The following LRP1B variants were observed in gnomAD, a reference collection of about 807,000 sequenced individuals.
LRP1B encodes the protein low-density lipoprotein receptor-related protein 1B.
In LRP1B, 217 loss-of-function variants were observed where a neutral mutation model predicts 556.6. The observed-to-expected ratio is 0.39, with a 90% CI of 0.35 to 0.44. LRP1B has a LOEUF of 0.44. Among genes scored for constraint, LRP1B ranks in the 20% least tolerant of loss-of-function variants. LRP1B has a pLI of 1.00. For synonymous variants in LRP1B, 2,047 were observed against 1,865.8 expected (o/e 1.10, Z -2.50); for missense variants, 5,053 against 5,620.8 (o/e 0.90, Z 3.23).
At chr2:140,387,765 CTCAG>C (rs904429165) in intron 66 of LRP1B, among the ~76,000 whole-genome samples, 1 of 151,918 alleles carries the variant, frequency 6.6e-6, no homozygotes, top group African/African-American at 2.4e-5. Flanking sequence ...TTCTGCACAC[CTCAG>C]TCAATCAGGA....
chr2:140,316,041 T>C (rs1684506805), intron 82 of LRP1B, among the ~76,000 whole-genome samples: 1 of 152,164 alleles, frequency 6.6e-6, no homozygotes, highest in Non-Finnish European at 1.5e-5. Context: ...AGCAAAATTA[T>C]TTTTAACAAT....
intron 41 of LRP1B, among the ~76,000 whole-genome samples, chr2:140,611,937 A>G (rs1683086686): frequency 6.6e-6 from 1 of 152,160 alleles, no homozygotes; most frequent in South Asian, 2.1e-4. Context: ...TCTTATTGAA[A>G]TGTACTATAA....
chr2:140,233,240 C>G lies in LRP1B; in HGVS notation c.13746G>C (p.Arg4582Ser), dbSNP rs774753726. Reference sequence around the variant, plus strand: ...CTATTTTCTTTGGAAGCAGTTCTTTCCTTTCATCAACACTTCCTAAGGAGT... The same window carrying G: ...CTATTTTCTTTGGAAGCAGTTCTTTGCTTTCATCAACACTTCCTAAGGAGT... The part of the protein sequence containing the change: ...CRNSLGSVDE[R>S]KELLPKKIEI... Residue 4582 changes from arginine to serine, a missense_variant, in exon 91 of 91, where the codon AGG becomes AGC. Physicochemically the swap from Arg to Ser is moderately radical, Grantham distance 110. This residue lies in a region of LRP1B where 551 missense variants were observed against 592.0 expected (regional missense o/e 0.93). Transcript: ENST00000389484. The G allele has an allele frequency of 6.2e-7, 1 of 1,605,858 alleles. No individual in the cohort carries two copies. The highest frequency in any genetic ancestry group is 8.5e-7 in the Non-Finnish European group (1 of 1,174,552).
intron 1 of LRP1B, among the ~76,000 whole-genome samples, chr2:141,904,564 G>A (rs116616891): frequency 0.01 from 1,579 of 151,926 alleles, 16 homozygotes; most frequent in Middle Eastern, 0.024. Context: ...TGAGGCAGTG[G>A]ATATTCAGTC....
intron 1 of LRP1B, among the ~76,000 whole-genome samples, chr2:142,107,576 A>G (rs1706793751): frequency 1.3e-5 from 2 of 152,098 alleles, no homozygotes; most frequent in South Asian, 4.1e-4. Flanking sequence ...GGGCTAAGAC[A>G]GTTGTTCTTA....
At chr2:141,600,996 A>T (rs1034846864) in intron 2 of LRP1B, among the ~76,000 whole-genome samples, 2 of 152,272 alleles carry the variant, frequency 1.3e-5, no homozygotes, top group East Asian at 1.9e-4. Context: ...AGAGACAAGC[A>T]CACCTATATC....
chr2:140,429,918 C>G (rs148496037), intron 66 of LRP1B, among the ~76,000 whole-genome samples: 4 of 152,114 alleles, frequency 2.6e-5, no homozygotes, highest in East Asian at 1.9e-4. Flanking sequence ...TTCTGCTCCC[C>G]GGCTCCTTCA....
At chr2:141,672,380 A>C (rs1690705642) in intron 2 of LRP1B, among the ~76,000 whole-genome samples, 1 of 152,148 alleles carries the variant, frequency 6.6e-6, no homozygotes, top group South Asian at 2.1e-4. Context: ...TCACAAAGGG[A>C]AGAAGGTCAT....
At chr2:140,266,500 C>A (rs1284032490) in intron 86 of LRP1B, among the ~76,000 whole-genome samples, 2 of 151,982 alleles carry the variant, frequency 1.3e-5, no homozygotes, top group Non-Finnish European at 2.9e-5. Flanking sequence ...AATCCTCTTT[C>A]TATAAACCCA....
At position 140,233,163 on chromosome 2, in the gene LRP1B, C is replaced by T. The variant is rs1258175729; in HGVS notation, c.*23G>A. 4 of 1,480,726 alleles carry T rather than the reference C, an allele frequency of 2.7e-6. No individual in the cohort carries two copies. Among genetic ancestry groups the T allele is most frequent in the Admixed American group, 1.8e-5 (1 of 55,778 alleles). 91.7% of individuals were successfully genotyped at this position (1,480,726 alleles called of 1,614,324 possible). A position where few individuals can be genotyped will look rare whatever the true frequency, so the allele number is the denominator to read the frequency against. The stretch of plus-strand genomic sequence containing the variant: ...AATCCTTATATTTTATACATTTATA[C>T]AGCATATAAAAGATATCACTGATTA... On this transcript the variant is annotated 3_prime_UTR_variant, in exon 91 of 91. Coordinates refer to ENST00000389484, the MANE Select transcript of LRP1B (RefSeq NM_018557.3).
chr2:140,275,511 A>AC (rs1308655734), intron 84 of LRP1B, among the ~76,000 whole-genome samples: 1 of 151,924 alleles, frequency 6.6e-6, no homozygotes, highest in African/African-American at 2.4e-5. Context: ...GAGGACTCAT[A>AC]CCCCTGCACC....
chr2:142,082,498 C>T (rs1705757039), intron 1 of LRP1B, among the ~76,000 whole-genome samples: 1 of 152,200 alleles, frequency 6.6e-6, no homozygotes, highest in Admixed American at 6.5e-5. Context: ...CCTAAGATGA[C>T]AGTGAGCAGC....
chr2:140,328,167 A>ACAGAGGAAGATGAATATTTGGAACC (rs1369164464), intron 79 of LRP1B, among the ~76,000 whole-genome samples: 1 of 152,060 alleles, frequency 6.6e-6, no homozygotes, highest in African/African-American at 2.4e-5. Context: ...TTTTATCTGA[A>ACAGAGGAAGATGAATATTTGGAACC]CAGAGGAAGA....
At chr2:141,620,144 G>C (rs997520758) in intron 2 of LRP1B, among the ~76,000 whole-genome samples, 1 of 152,120 alleles carries the variant, frequency 6.6e-6, no homozygotes, top group East Asian at 1.9e-4. Context: ...ATAGAGATGG[G>C]ATCTTGCTGT....
intron 2 of LRP1B, among the ~76,000 whole-genome samples, chr2:141,731,495 T>G (rs1474969684): frequency 6.6e-6 from 1 of 152,144 alleles, no homozygotes; most frequent in Non-Finnish European, 1.5e-5. Context: ...TTGTTTGCCT[T>G]CATATTTTTC....
intron 43 of LRP1B, among the ~76,000 whole-genome samples, chr2:140,551,163 A>G (rs7597441): frequency 0.48 from 72,483 of 152,034 alleles, 17,664 homozygotes; most frequent in South Asian, 0.59. Context: ...GCATTTTATT[A>G]TAGCAGCCTG....
At chr2:140,919,865 A>C (rs1694685178) in intron 21 of LRP1B, among the ~76,000 whole-genome samples, 1 of 152,120 alleles carries the variant, frequency 6.6e-6, no homozygotes, top group African/African-American at 2.4e-5. Context: ...TTTTAATGAC[A>C]TTAGAATACT....
At chr2:141,869,990 A>G (rs538113574) in intron 1 of LRP1B, among the ~76,000 whole-genome samples, 179 of 152,168 alleles carry the variant, frequency 1.2e-3, no homozygotes, top group Non-Finnish European at 2.1e-3. Context: ...CTAAAGGATC[A>G]CAATTTTTTT....
intron 2 of LRP1B, among the ~76,000 whole-genome samples, chr2:141,615,816 T>A (rs1478697854): frequency 6.6e-6 from 1 of 152,158 alleles, no homozygotes; most frequent in East Asian, 1.9e-4. Context: ...GTCTTAGCAT[T>A]TATTCCTAGG....
Sources: allele counts gnomAD v4.1 joint callset (sites outside exome capture counted in the v4.1 genomes callset), GRCh38; gene constraint gnomAD v4.1.1; regional missense constraint gnomAD v4.1.1; transcripts MANE v1.5; gene names NCBI Gene and HGNC (gene_info 2026-07-23, HGNC 2026-07-21).